The following RAD51B variants were observed in gnomAD, a reference collection of about 807,000 sequenced individuals.
RAD51B encodes the protein RAD51 paralog B.
In RAD51B, 38 loss-of-function variants were observed where a neutral mutation model predicts 42.2. The ratio of observed to expected loss-of-function variants is 0.90; its 90% CI spans 0.70 to 1.18. The LOEUF is 1.18. Ranked by LOEUF, RAD51B falls within the 50% of genes most tolerant of loss-of-function variation. RAD51B has a pLI of 0.00. For synonymous variants in RAD51B, 154 were observed against 145.2 expected, an observed-to-expected ratio of 1.06 and a Z score of -0.43; for missense variants, 373 against 400.7, an observed-to-expected ratio of 0.93 and a Z score of 0.59.
chr14:68,379,916 G>A lies in RAD51B; in HGVS notation c.854-31508G>A, dbSNP rs117955191. Among the ~76,000 whole-genome samples the A allele has an allele frequency of 1.4e-4, 22 of 152,314 alleles. No homozygotes were observed. The East Asian group carries it at 2.9e-3, about 20-fold the overall frequency. Reference sequence around the variant, plus strand: ...CCACTCACCCTCTTCCGCTGTTGGCGGCTGCTGTGGTATCTATAAACATAG... The same window carrying A: ...CCACTCACCCTCTTCCGCTGTTGGCAGCTGCTGTGGTATCTATAAACATAG... On this transcript the variant is annotated intron_variant, in intron 8 of 10. Transcript: ENST00000471583.
intron 8 of RAD51B, among the ~76,000 whole-genome samples, chr14:68,377,005 G>C (rs2083383986): frequency 6.6e-6 from 1 of 152,216 alleles, no homozygotes; most frequent in Non-Finnish European, 1.5e-5. Flanking sequence ...TGGGAATGTA[G>C]ATAGTATAGG....
intron 10 of RAD51B, among the ~76,000 whole-genome samples, chr14:68,634,103 C>T (rs987906088): frequency 2.0e-5 from 3 of 152,176 alleles, no homozygotes; most frequent in Non-Finnish European, 4.4e-5. Flanking sequence ...GGACTCCTGC[C>T]ATCAGCTCTT....
chr14:68,485,972 G>C (rs757646471), intron 10 of RAD51B, among the ~76,000 whole-genome samples: 5 of 152,224 alleles, frequency 3.3e-5, no homozygotes, highest in Non-Finnish European at 5.9e-5. Flanking sequence ...GGGGAAAACT[G>C]AATTGTGGTA....
At position 68,516,037 on chromosome 14, in the gene RAD51B, G is replaced by A. The variant is rs533215716; in HGVS notation, c.1036+47787G>A. ...CCTGACCTTGTGGTCCGCCCACCTC[G>A]GCCTCCCAAAGTGCTAGGATTACGG... is the stretch of plus-strand genomic sequence containing the variant. On this transcript the variant is annotated intron_variant, in intron 10 of 10. Coordinates refer to the RAD51B transcript ENST00000487270. Among the ~76,000 whole-genome samples the A allele has an allele frequency of 2.8e-4, 43 of 151,758 alleles. No individual in the cohort carries two copies. The South Asian group carries it at 6.7e-3, about 23-fold the overall frequency.
At chr14:68,376,308 C>T (rs1292000600) in intron 8 of RAD51B, among the ~76,000 whole-genome samples, 2 of 152,044 alleles carry the variant, frequency 1.3e-5, no homozygotes, top group Non-Finnish European at 2.9e-5. Flanking sequence ...GAAACTAAGC[C>T]AAATTAAAAA....
chr14:68,129,996 C>T (rs768964979), intron 7 of RAD51B: 9 of 152,194 alleles, frequency 5.9e-5, no homozygotes, highest in Non-Finnish European at 1.3e-4. Context: ...GATAGAAATC[C>T]AGGACAGTAT....
chr14:68,349,717 T>A (rs117308302), intron 8 of RAD51B, among the ~76,000 whole-genome samples: 1 of 152,146 alleles, frequency 6.6e-6, no homozygotes, highest in South Asian at 2.1e-4. Flanking sequence ...TGCTTGAACA[T>A]GGAAGACCCA....
intron 9 of RAD51B, among the ~76,000 whole-genome samples, chr14:68,451,067 A>G (rs1243022463): frequency 6.6e-6 from 1 of 152,188 alleles, no homozygotes; most frequent in East Asian, 1.9e-4. Context: ...TGTTTCAGGC[A>G]AGATAACCTA....
chr14:68,608,987 G>C (rs1035386653), intron 10 of RAD51B, among the ~76,000 whole-genome samples: 4 of 152,108 alleles, frequency 2.6e-5, no homozygotes, highest in African/African-American at 9.7e-5. Flanking sequence ...GGCTCCCTCA[G>C]ACACCTCCAG....
intron 7 of RAD51B, among the ~76,000 whole-genome samples, chr14:68,164,634 T>C (rs1367968746): frequency 6.6e-6 from 1 of 152,192 alleles, no homozygotes; most frequent in Non-Finnish European, 1.5e-5. Flanking sequence ...CTAAAACTGT[T>C]TTTCTGTTGG....
intron 7 of RAD51B, among the ~76,000 whole-genome samples, chr14:68,069,338 G>A (rs1018126223): frequency 2.0e-5 from 3 of 152,026 alleles, no homozygotes; most frequent in Non-Finnish European, 4.4e-5. Flanking sequence ...TGGGTAAATT[G>A]TGTGTGTGTC....
chr14:68,609,308 G>C (rs1026153414), intron 10 of RAD51B, among the ~76,000 whole-genome samples: 36 of 152,156 alleles, frequency 2.4e-4, no homozygotes, highest in African/African-American at 8.4e-4. Context: ...TGAGGCCACT[G>C]TCAGTGGCCA....
intron 7 of RAD51B, among the ~76,000 whole-genome samples, chr14:67,911,147 C>G (rs1444333803): frequency 6.6e-6 from 1 of 152,120 alleles, no homozygotes; most frequent in Non-Finnish European, 1.5e-5. Flanking sequence ...AGAGCAGAGA[C>G]AGATGGAAAA....
At chr14:67,876,864 G>A (rs1321506084) in intron 5 of RAD51B, among the ~76,000 whole-genome samples, 1 of 152,164 alleles carries the variant, frequency 6.6e-6, no homozygotes, top group Non-Finnish European at 1.5e-5. Context: ...ATATGCAAAT[G>A]ATTCATCCAG....
chr14:68,169,588 C>T (rs1457377255), intron 7 of RAD51B, among the ~76,000 whole-genome samples: 3 of 152,134 alleles, frequency 2.0e-5, no homozygotes, highest in Non-Finnish European at 4.4e-5. Context: ...CCTCCTCCCC[C>T]AGTCTGATAT....
In RAD51B at chr14:68,234,523, G is replaced by C. The variant is rs143415665; in HGVS notation, c.757-57361G>C. Among the ~76,000 whole-genome samples, 979 of 152,272 alleles carry C rather than the reference G, an allele frequency of 6.4e-3. 18 individuals carry two copies. Among genetic ancestry groups the C allele is most frequent in the African/African-American group, 0.022 (925 of 41,552 alleles). ...AGCCTGCTATACACCTTGGCTGGAT[G>C]GTACAGCCTGTTATTCCTGGGCAGC... On this transcript the variant is annotated intron_variant, in intron 7 of 10. Coordinates refer to ENST00000471583, the MANE Select transcript of RAD51B (RefSeq NM_133510.4).
chr14:68,549,143 G>A (rs1465886888), intron 10 of RAD51B, among the ~76,000 whole-genome samples: 1 of 152,024 alleles, frequency 6.6e-6, no homozygotes, highest in African/African-American at 2.4e-5. Flanking sequence ...TAGTCTCCCA[G>A]CTGTCTGTCT....
intron 4 of RAD51B, among the ~76,000 whole-genome samples, chr14:67,849,926 G>A (rs1187097585): frequency 6.6e-6 from 1 of 152,068 alleles, no homozygotes; most frequent in Non-Finnish European, 1.5e-5. Flanking sequence ...TTCTTTGGTG[G>A]TGTTACAAAA....
intron 7 of RAD51B, among the ~76,000 whole-genome samples, chr14:67,969,060 A>T (rs1200967143): frequency 6.6e-6 from 1 of 152,126 alleles, no homozygotes. Flanking sequence ...CCCTGATAAA[A>T]CCATCAGATC....
Sources: gnomAD v4.1 joint callset for allele counts (sites outside exome capture counted in the v4.1 genomes callset) on GRCh38, gnomAD v4.1.1 for gene constraint, MANE v1.5 for transcripts, NCBI Gene and HGNC (gene_info 2026-07-23, HGNC 2026-07-21) for gene names.